HPN: variants seen among roughly 807,000 people sequenced by gnomAD.
HPN encodes the protein serine protease hepsin.
HPN carries 13 observed loss-of-function variants against 55.9 expected under a neutral mutation model. The observed-to-expected ratio is 0.23, with a 90% CI of 0.15 to 0.37. HPN has a LOEUF of 0.37. Among genes scored for constraint, HPN ranks in the 10% least tolerant of loss-of-function variants. The pLI is 1.00. For synonymous variants in HPN, 225 were observed against 240.3 expected, an observed-to-expected ratio of 0.94 and a Z score of 0.59; for missense variants, 451 against 575.8, an observed-to-expected ratio of 0.78 and a Z score of 2.22.
rs1049771283 is a variant in HPN, at chr19:35,055,132, A to G, written c.161-4541A>G. Among the ~76,000 whole-genome samples the G allele has an allele frequency of 1.4e-4, 21 of 152,298 alleles. No individual in the cohort carries two copies. The East Asian group carries it at 3.7e-3, about 27-fold the overall frequency. The stretch of plus-strand genomic sequence containing the variant: ...TGAGATCAGCCTGGACAATATAGCA[A>G]TACCCTGTCTCTACAGAAAAAAATA... On this transcript the variant is annotated intron_variant, in intron 4 of 12. Coordinates refer to ENST00000672452, the MANE Select transcript of HPN (RefSeq NM_001384133.1).
chr19:35,064,471 C>G (rs2064576710), intron 9 of HPN, among the ~76,000 whole-genome samples: 1 of 151,788 alleles, frequency 6.6e-6, no homozygotes, highest in Non-Finnish European at 1.5e-5. Flanking sequence ...GCCTCAGCCT[C>G]CTGAGTAGCT....
At chr19:35,051,474 G>A (rs2064404810) in intron 4 of HPN, among the ~76,000 whole-genome samples, 2 of 152,098 alleles carry the variant, frequency 1.3e-5, no homozygotes, top group South Asian at 2.1e-4. Flanking sequence ...TTGAACTCCT[G>A]AGCTCAAAGC....
At chr19:35,040,834 T>A (rs905752581), upstream of HPN, among the ~76,000 whole-genome samples, 2 of 151,104 alleles carry the variant, frequency 1.3e-5, no homozygotes, top group African/African-American at 4.9e-5. Flanking sequence ...CTGGGCTGAG[T>A]GGAGGAAATG....
At chr19:35,047,920 C>T (rs1302399965) in intron 2 of HPN, among the ~76,000 whole-genome samples, 1 of 150,408 alleles carries the variant, frequency 6.6e-6, no homozygotes, top group Non-Finnish European at 1.5e-5. Context: ...AGCCTGAGCG[C>T]TTGAGACTGC....
intron 4 of HPN, among the ~76,000 whole-genome samples, chr19:35,055,303 G>A (rs138136925): frequency 0.031 from 4,714 of 152,052 alleles, 260 homozygotes; most frequent in African/African-American, 0.11. Context: ...AGGTTGAGGC[G>A]GGAGGATCGT....
chr19:35,043,452 A>T (rs1220700007), intron 2 of HPN, among the ~76,000 whole-genome samples: 1 of 152,128 alleles, frequency 6.6e-6, no homozygotes, highest in Non-Finnish European at 1.5e-5. Context: ...GGGCAGTAGC[A>T]CTTTCTAGCT....
At chr19:35,053,122 G>A (rs1281767568) in intron 4 of HPN, among the ~76,000 whole-genome samples, 1 of 152,060 alleles carries the variant, frequency 6.6e-6, no homozygotes, top group Non-Finnish European at 1.5e-5. Flanking sequence ...TGTGTTGCCT[G>A]AAATGATAGG....
At chr19:35,058,517 AATATT>A (rs1004723834) in intron 4 of HPN, among the ~76,000 whole-genome samples, 38 of 147,506 alleles carry the variant, frequency 2.6e-4, no homozygotes, top group Middle Eastern at 3.6e-3. Context: ...ATAATATATT[AATATT>A]ATATTATAAC....
intron 1 of HPN, 169 bp from the exon 2 acceptor site, chr19:35,042,284 C>T: frequency 3.6e-6 from 5 of 1,389,156 alleles, no homozygotes; most frequent in East Asian, 2.8e-5. Flanking sequence ...GCTGGTCAGA[C>T]ACTGACCCCA....
chr19:35,044,164 C>T (rs1219433720), intron 2 of HPN, among the ~76,000 whole-genome samples: 1 of 152,100 alleles, frequency 6.6e-6, no homozygotes, highest in Non-Finnish European at 1.5e-5. Flanking sequence ...CAGGACTGGA[C>T]GGGGTTAGGG....
chr19:35,054,836 T>TG (rs1274293956), intron 4 of HPN, among the ~76,000 whole-genome samples: 1 of 152,144 alleles, frequency 6.6e-6, no homozygotes, highest in East Asian at 1.9e-4. Flanking sequence ...GGTCCTCAGC[T>TG]GGGGAGAGTT....
intron 2 of HPN, among the ~76,000 whole-genome samples, chr19:35,047,981 C>G (rs2064358162): frequency 1.4e-5 from 2 of 138,236 alleles, no homozygotes; most frequent in African/African-American, 5.4e-5. Flanking sequence ...CACAGTGAAA[C>G]CCTGTCTCAA....
At chr19:35,050,910 C>CTTCTT (rs1568357736) in intron 4 of HPN, among the ~76,000 whole-genome samples, 6 of 116,768 alleles carry the variant, frequency 5.1e-5, no homozygotes, top group African/African-American at 2.0e-4. Context: ...TTCTTTCTTT[C>CTTCTT]TTTCTTTTTT....
At chr19:35,064,318 GTCTCTCTC>G (rs10577478) in intron 9 of HPN, among the ~76,000 whole-genome samples, 19 of 150,390 alleles carry the variant, frequency 1.3e-4, no homozygotes, top group Admixed American at 9.9e-4. Context: ...AGATAGGAGT[GTCTCTCTC>G]TCTCTCTCTC....
Position 35,042,433 on chromosome 19 carries a change from C to T in HPN, c.-54-20C>T. ...GGCTGGGCTCCCCCAGGCCCTGCCTCCCCGTCCATCTCCTCACAGGTCCCA... is the reference window on the plus strand; with the variant it reads ...GGCTGGGCTCCCCCAGGCCCTGCCTTCCCGTCCATCTCCTCACAGGTCCCA... On this transcript the variant is annotated intron_variant, in intron 1 of 12. Coordinates refer to ENST00000672452, the MANE Select transcript of HPN (RefSeq NM_001384133.1). The T allele has an allele frequency of 6.4e-7, 1 of 1,553,854 alleles. No homozygotes were observed. Among genetic ancestry groups the T allele is most frequent in the South Asian group, 1.2e-5 (1 of 83,214 alleles).
chr19:35,046,293 A>G (rs990085260), intron 2 of HPN, among the ~76,000 whole-genome samples: 6 of 151,302 alleles, frequency 4.0e-5, no homozygotes, highest in African/African-American at 1.2e-4. Flanking sequence ...TGCCCAGGCT[A>G]GAGTACAGTG....
At chr19:35,044,760 A>G (rs904676979) in intron 2 of HPN, among the ~76,000 whole-genome samples, 4 of 152,088 alleles carry the variant, frequency 2.6e-5, no homozygotes, top group Non-Finnish European at 5.9e-5. Flanking sequence ...GGGGGGTACT[A>G]GGGAGTCACA....
chr19:35,047,363 C>G (rs1193826643), intron 2 of HPN, among the ~76,000 whole-genome samples: 1 of 152,172 alleles, frequency 6.6e-6, no homozygotes, highest in Non-Finnish European at 1.5e-5. Context: ...TCCTTGTGGT[C>G]TGTGTGTGGC....
chr19:35,060,585 G>A, intron 8 of HPN, 42 bp from the exon 9 acceptor site: 2 of 1,612,236 alleles, frequency 1.2e-6, no homozygotes, highest in Non-Finnish European at 1.7e-6. Flanking sequence ...AGGGCGGATT[G>A]TGCCCAGGCA....
Sources: gnomAD v4.1 joint callset for allele counts (sites outside exome capture counted in the v4.1 genomes callset) on GRCh38, gnomAD v4.1.1 for gene constraint, MANE v1.5 for transcripts, NCBI Gene and HGNC (gene_info 2026-07-23, HGNC 2026-07-21) for gene names.